EYS: variants seen among roughly 807,000 people sequenced by gnomAD.
EYS encodes the protein EGF-like photoreceptor maintenance factor.
A neutral mutation model predicts 282.1 loss-of-function variants in EYS; 250 were observed. That is an observed-to-expected ratio of 0.89 (90% CI 0.80 to 0.98). EYS has a LOEUF of 0.98. EYS is among the 50% of genes least tolerant of loss of function. The pLI, the probability that EYS is intolerant of heterozygous loss-of-function variation, is 0.00. For synonymous variants in EYS, 1,355 were observed against 1,282.9 expected, an observed-to-expected ratio of 1.06 and a Z score of -1.20; for missense variants, 4,016 against 3,709.0, an observed-to-expected ratio of 1.08 and a Z score of -2.15.
At chr6:64,452,416 GA>G (rs2150478407) in intron 26 of EYS, among the ~76,000 whole-genome samples, 1 of 152,266 alleles carries the variant, frequency 6.6e-6, no homozygotes, top group East Asian at 1.9e-4. Flanking sequence ...TCAATATCGT[GA>G]AAATGGCTAT....
chr6:65,226,212 A>C (rs928477935), intron 12 of EYS, among the ~76,000 whole-genome samples: 14 of 152,118 alleles, frequency 9.2e-5, no homozygotes, highest in African/African-American at 3.4e-4. Flanking sequence ...TTGTGTACGT[A>C]TATACCAGCC....
intron 2 of EYS, among the ~76,000 whole-genome samples, chr6:65,512,396 G>T (rs1766921173): frequency 6.6e-6 from 1 of 150,990 alleles, no homozygotes; most frequent in Admixed American, 6.6e-5. Context: ...GGCTGAGGCA[G>T]GAGAATGGCA....
chr6:65,282,387 T>A (rs1173779227), intron 12 of EYS, among the ~76,000 whole-genome samples: 1 of 151,910 alleles, frequency 6.6e-6, no homozygotes, highest in East Asian at 1.9e-4. Flanking sequence ...TTTCTAACAA[T>A]ATACTGAATA....
chr6:64,169,285 A>T (rs1042773990), intron 31 of EYS, among the ~76,000 whole-genome samples: 6 of 152,166 alleles, frequency 3.9e-5, no homozygotes, highest in Non-Finnish European at 7.3e-5. Flanking sequence ...GGGCATGCAG[A>T]TACTGATAAG....
chr6:65,024,097 CTT>C (rs1160749978), intron 13 of EYS, among the ~76,000 whole-genome samples: 2 of 152,056 alleles, frequency 1.3e-5, no homozygotes, highest in African/African-American at 2.4e-5. Context: ...ACAAAACTAA[CTT>C]TAACTTGAGA....
intron 12 of EYS, among the ~76,000 whole-genome samples, chr6:65,068,836 C>T (rs1469575389): frequency 6.6e-6 from 1 of 152,012 alleles, no homozygotes; most frequent in African/African-American, 2.4e-5. Context: ...TACTCATAAG[C>T]CATGCTCTGC....
intron 36 of EYS, among the ~76,000 whole-genome samples, chr6:63,841,530 G>A (rs1457083821): frequency 5.3e-5 from 8 of 152,170 alleles, no homozygotes; most frequent in Non-Finnish European, 7.4e-5. Context: ...AACAGTGTCC[G>A]TATTGCAAGC....
At chr6:65,270,198 G>A (rs545132635) in intron 12 of EYS, among the ~76,000 whole-genome samples, 14 of 152,228 alleles carry the variant, frequency 9.2e-5, no homozygotes, top group Admixed American at 8.5e-4. Flanking sequence ...CATTCCAAAA[G>A]GGAGAAATAG....
chr6:63,827,582 C>T (rs920229744), intron 36 of EYS, among the ~76,000 whole-genome samples: 25 of 152,162 alleles, frequency 1.6e-4, no homozygotes, highest in South Asian at 2.1e-4. Context: ...CGGTGGCTCA[C>T]GCCTGTAATC....
intron 11 of EYS, among the ~76,000 whole-genome samples, chr6:65,306,532 T>C (rs780209136): frequency 6.6e-6 from 1 of 152,182 alleles, no homozygotes; most frequent in Non-Finnish European, 1.5e-5. Flanking sequence ...GTAGATATTC[T>C]TTATTCTTTT....
chr6:64,755,684 C>T (rs1772914797), intron 22 of EYS, among the ~76,000 whole-genome samples: 1 of 151,954 alleles, frequency 6.6e-6, no homozygotes, highest in Non-Finnish European at 1.5e-5. Context: ...TAAGTTTGAG[C>T]TAAATAATGT....
At chr6:64,938,193 A>G (rs1280443647) in intron 15 of EYS, among the ~76,000 whole-genome samples, 1 of 151,650 alleles carries the variant, frequency 6.6e-6, no homozygotes, top group African/African-American at 2.4e-5. Context: ...TTCTAACATT[A>G]GATAGTGGTG....
At chr6:64,277,619 T>C (rs1466564892) in intron 30 of EYS, among the ~76,000 whole-genome samples, 1 of 152,126 alleles carries the variant, frequency 6.6e-6, no homozygotes, top group Non-Finnish European at 1.5e-5. Context: ...ATTATACAAC[T>C]CTTACCTTTC....
At chr6:63,729,236 A>T (rs919229270) in intron 41 of EYS, among the ~76,000 whole-genome samples, 3 of 152,106 alleles carry the variant, frequency 2.0e-5, no homozygotes, top group Non-Finnish European at 4.4e-5. Flanking sequence ...TATCAGATAT[A>T]TATTTTGCAA....
At chr6:65,530,031 C>T (rs1314598075) in intron 2 of EYS, among the ~76,000 whole-genome samples, 1 of 152,090 alleles carries the variant, frequency 6.6e-6, no homozygotes, top group Non-Finnish European at 1.5e-5. Flanking sequence ...TTACATTTGC[C>T]TGCCTGTCTC....
chr6:64,396,091 CAT>C (rs1011029816), intron 28 of EYS, among the ~76,000 whole-genome samples: 1 of 152,082 alleles, frequency 6.6e-6, no homozygotes, highest in Non-Finnish European at 1.5e-5. Flanking sequence ...CACGCACACA[CAT>C]ACTCTCTCTC....
chr6:64,264,994 T>G (rs1767707973), intron 30 of EYS, among the ~76,000 whole-genome samples: 1 of 152,168 alleles, frequency 6.6e-6, no homozygotes, highest in Admixed American at 6.6e-5. Context: ...ACACCCAATC[T>G]GTCAGTGGAG....
intron 22 of EYS, among the ~76,000 whole-genome samples, chr6:64,801,041 T>C (rs1774532128): frequency 1.3e-5 from 2 of 152,068 alleles, no homozygotes; most frequent in African/African-American, 2.4e-5. Context: ...TATCTCATTG[T>C]TTCTTTTAAC....
chr6:65,346,245 T>C (rs1226107331), intron 9 of EYS, among the ~76,000 whole-genome samples: 1 of 151,678 alleles, frequency 6.6e-6, no homozygotes, highest in East Asian at 1.9e-4. Flanking sequence ...CCGTTAAATA[T>C]GATCACCCCA....
Sources: gnomAD v4.1 joint callset for allele counts (sites outside exome capture counted in the v4.1 genomes callset) on GRCh38, gnomAD v4.1.1 for gene constraint, MANE v1.5 for transcripts, NCBI Gene and HGNC (gene_info 2026-07-23, HGNC 2026-07-21) for gene names.